The following C10orf67 variants were observed in gnomAD, a reference collection of about 807,000 sequenced individuals.
C10orf67 encodes the protein chromosome 10 open reading frame 67.
A neutral mutation model predicts 35.6 loss-of-function variants in C10orf67; 60 were observed. The ratio of observed to expected loss-of-function variants is 1.68; its 90% CI spans 1.37 to 2.09. C10orf67 has a LOEUF of 2.09. C10orf67 is among the 30% of genes most tolerant of loss of function. C10orf67 has a pLI of 0.00. For missense variants in C10orf67, 474 were observed against 330.2 expected, an observed-to-expected ratio of 1.44 and a Z score of -3.38; for synonymous variants, 167 against 115.8, an observed-to-expected ratio of 1.44 and a Z score of -2.84.
intron 8 of C10orf67, among the ~76,000 whole-genome samples, chr10:23,273,912 C>T (rs774036647): frequency 2.0e-5 from 3 of 152,116 alleles, no homozygotes; most frequent in African/African-American, 7.2e-5. Context: ...GGGGAACCAG[C>T]CCCCAATATT....
intron 10 of C10orf67, among the ~76,000 whole-genome samples, chr10:23,257,077 G>C (rs146300930): frequency 6.7e-4 from 102 of 152,278 alleles, no homozygotes; most frequent in African/African-American, 2.4e-3. Flanking sequence ...AAAGAAACAG[G>C]TTGCTCCCCT....
intron 1 of C10orf67, 36 bp downstream of exon 1, chr10:23,344,533 G>T (rs767799256): frequency 6.5e-7 from 1 of 1,546,242 alleles, no homozygotes; most frequent in South Asian, 1.2e-5. Context: ...GACCCTGCTC[G>T]CTTCCTCCTC....
Position 23,314,349 on chromosome 10 carries a change from C to T in C10orf67, c.546+6392G>A, listed in dbSNP as rs565635854. ...TAAAACACACACGTTTGGCCAGGCA[C>T]GGTGCCTCACACCTATAATCCCAGC... On this transcript the variant is annotated intron_variant, in intron 4 of 15. Transcript: ENST00000636213. 4.9e-4 allele frequency among the ~76,000 whole-genome samples: 75 copies of T among 151,900 alleles called. 2 individuals are homozygous for T. The South Asian group carries it at 0.013, about 27-fold the overall frequency.
chr10:23,333,263 A>G (rs1845551943), intron 1 of C10orf67, 81 bp from the exon 2 acceptor site: 3 of 1,316,168 alleles, frequency 2.3e-6, no homozygotes, highest in Non-Finnish European at 3.2e-6. Flanking sequence ...TTTTTTGTGT[A>G]AATCATATCG....
intron 2 of C10orf67, among the ~76,000 whole-genome samples, chr10:23,330,430 T>C (rs1845402051): frequency 6.6e-6 from 1 of 152,096 alleles, no homozygotes; most frequent in Non-Finnish European, 1.5e-5. Context: ...GCCACTGCAA[T>C]CCAGTCTACG....
chr10:23,278,905 C>T (rs547388572), intron 8 of C10orf67, among the ~76,000 whole-genome samples: 1 of 152,272 alleles, frequency 6.6e-6, no homozygotes, highest in Non-Finnish European at 1.5e-5. Context: ...ACAACACACC[C>T]TCAGGAGAGC....
chr10:23,267,282 GTTA>G (rs1564480204), intron 8 of C10orf67, 28 bp from the exon 9 acceptor site: 1 of 687,150 alleles, frequency 1.5e-6, no homozygotes, highest in Admixed American at 2.4e-5. Flanking sequence ...CATATCATTG[GTTA>G]TTATCTGCAA....
intron 12 of C10orf67, among the ~76,000 whole-genome samples, chr10:23,240,553 T>C (rs1350307839): frequency 2.6e-5 from 4 of 152,186 alleles, no homozygotes; most frequent in Non-Finnish European, 5.9e-5. Flanking sequence ...CACACATATA[T>C]TAGCTATTTG....
At chr10:23,206,612 T>C (rs1413734054) in intron 15 of C10orf67, among the ~76,000 whole-genome samples, 1 of 152,214 alleles carries the variant, frequency 6.6e-6, no homozygotes, top group African/African-American at 2.4e-5. Context: ...TTACCATGAA[T>C]AAAGATTGTT....
chr10:23,256,682 G>GTT (rs61499923), intron 10 of C10orf67, among the ~76,000 whole-genome samples: 7 of 146,724 alleles, frequency 4.8e-5, no homozygotes, highest in South Asian at 2.2e-4. Context: ...TCACTCACAA[G>GTT]TTTTTTTTTT....
intron 10 of C10orf67, among the ~76,000 whole-genome samples, chr10:23,265,656 A>G (rs1184250557): frequency 1.3e-5 from 2 of 152,188 alleles, no homozygotes; most frequent in African/African-American, 4.8e-5. Flanking sequence ...GTATTGTATA[A>G]TGTAGTGAGC....
intron 5 of C10orf67, among the ~76,000 whole-genome samples, chr10:23,291,522 G>A (rs902705473): frequency 6.6e-6 from 1 of 152,184 alleles, no homozygotes; most frequent in East Asian, 1.9e-4. Flanking sequence ...ATATCATACT[G>A]TTTGTGTGCC....
In C10orf67 at chr10:23,257,511, T is replaced by C. The variant is rs151054757; in HGVS notation, c.1201-6820A>G. Among the ~76,000 whole-genome samples the C allele has an allele frequency of 2.7e-3, 405 of 152,112 alleles. 3 individuals are homozygous for C. The highest frequency in any genetic ancestry group is 9.4e-3 in the African/African-American group (392 of 41,498). ...TCACATACCCACCACAAAAAGAATA[T>C]CAAAACTGTTGCCTGGTGCAGTGGC... On this transcript the variant is annotated intron_variant, in intron 10 of 15. Coordinates refer to ENST00000636213, the MANE Select transcript of C10orf67 (RefSeq NM_001371909.1).
At chr10:23,292,710 A>G (rs1387885168) in intron 5 of C10orf67, among the ~76,000 whole-genome samples, 1 of 150,230 alleles carries the variant, frequency 6.7e-6, no homozygotes, top group African/African-American at 2.4e-5. Context: ...TAATGAAATT[A>G]CGTATGGTAT....
chr10:23,313,711 G>A (rs371432552), intron 4 of C10orf67, among the ~76,000 whole-genome samples: 35 of 152,270 alleles, frequency 2.3e-4, no homozygotes, highest in Non-Finnish European at 4.4e-4. Context: ...GGAAGCAGGC[G>A]ACGGCCCAGT....
chr10:23,324,335 G>C (rs1588696419), intron 2 of C10orf67, among the ~76,000 whole-genome samples: 1 of 152,158 alleles, frequency 6.6e-6, no homozygotes, highest in East Asian at 1.9e-4. Flanking sequence ...CAGGTTCTAT[G>C]AATCTGGAGT....
chr10:23,237,525 A>G (rs1158457034), intron 13 of C10orf67, among the ~76,000 whole-genome samples: 2 of 152,168 alleles, frequency 1.3e-5, no homozygotes, highest in African/African-American at 2.4e-5. Context: ...CATTTGTCCA[A>G]TGAGGCCAGA....
chr10:23,280,451 A>G (rs978136958), intron 8 of C10orf67, among the ~76,000 whole-genome samples: 2 of 152,188 alleles, frequency 1.3e-5, no homozygotes, highest in Admixed American at 1.3e-4. Context: ...CAAGTGAGTA[A>G]CAGAATGCCT....
At chr10:23,319,234 C>G (rs910335183) in intron 4 of C10orf67, among the ~76,000 whole-genome samples, 3 of 152,162 alleles carry the variant, frequency 2.0e-5, no homozygotes, top group Non-Finnish European at 2.9e-5. Context: ...TTAGCTCCCA[C>G]TCATAAGTAA....
Sources: allele counts gnomAD v4.1 joint callset (sites outside exome capture counted in the v4.1 genomes callset), GRCh38; gene constraint gnomAD v4.1.1; transcripts MANE v1.5; gene names NCBI Gene and HGNC (gene_info 2026-07-23, HGNC 2026-07-21).